Variants in APLP2 observed in about 807,000 individuals in gnomAD.
The protein encoded by APLP2 is CDEI box-binding protein.
APLP2 carries 53 observed loss-of-function variants against 89.9 expected under a neutral mutation model. That is an observed-to-expected ratio of 0.59 (90% CI 0.47 to 0.74). The LOEUF (loss-of-function observed/expected upper bound fraction) is 0.74. APLP2 is among the 30% of genes least tolerant of loss of function. APLP2 has a pLI of 0.00. For synonymous variants in APLP2, 372 were observed against 348.6 expected (o/e 1.07, Z -0.75); for missense variants, 973 against 975.9 (o/e 1.00, Z 0.04).
At chr11:130,126,875 G>A (rs1565593441) in intron 8 of APLP2, 45 bp downstream of exon 8, 5 of 1,609,368 alleles carry the variant, frequency 3.1e-6, no homozygotes, top group Non-Finnish European at 3.4e-6. Context: ...TTGGCTTTGG[G>A]TAGCATGGTT....
At chr11:130,143,320 A>G (rs1345674645) in intron 16 of APLP2, 27 bp from the exon 17 acceptor site, 10 of 1,605,430 alleles carry the variant, frequency 6.2e-6, no homozygotes, top group Non-Finnish European at 8.5e-6. Flanking sequence ...CAGACACCAC[A>G]ATGACCCTCA....
chr11:130,123,694 C>A lies in APLP2; in HGVS notation c.1005C>A (p.Cys335Ter). ...ACTTCGACCTCTCCAAGGGAAAGTG[C>A]GTGCGCTTTATATATGGTGGCTGCG... Reference protein sequence around the residue: ...RWYFDLSKGKCVRFIYGGCGG... With the variant: ...RWYFDLSKGK Residue 335 changes from cysteine to a stop codon, truncating the protein, a stop_gained, in exon 7 of 17, where the codon TGC becomes TGA. Transcript: ENST00000338167. LOFTEE classifies it high-confidence loss of function. The surrounding 1 kb of genome is among the most constrained non-coding windows in gnomAD (Gnocchi z 4.0). 6.2e-7 allele frequency: 1 copy of A among 1,614,254 alleles called. No individual in the cohort carries two copies. The highest frequency in any genetic ancestry group is 8.5e-7 in the Non-Finnish European group (1 of 1,180,046).
intron 3 of APLP2, among the ~76,000 whole-genome samples, chr11:130,118,523 C>T (rs1242734485): frequency 6.6e-6 from 1 of 152,182 alleles, no homozygotes; most frequent in Non-Finnish European, 1.5e-5. Context: ...ATATACTTTT[C>T]CTTTAGCATC....
At chr11:130,076,550 C>T (rs1942160564) in intron 1 of APLP2, among the ~76,000 whole-genome samples, 1 of 152,168 alleles carries the variant, frequency 6.6e-6, no homozygotes, top group Non-Finnish European at 1.5e-5. Flanking sequence ...GCACCAGATA[C>T]TCAATCAGTG....
rs1186093003 is a variant in APLP2 at position 130,122,351 on chromosome 11, G to T, written c.760G>T (p.Val254Leu). 7 of 1,614,138 alleles carry T rather than the reference G, an allele frequency of 4.3e-6. No homozygotes were observed. The highest frequency in any genetic ancestry group is 5.9e-6 in the Non-Finnish European group (7 of 1,179,998). The change falls in exon 6 of 17, where the codon GTG (valine) becomes TTG (leucine). Residue 254 changes from valine to leucine, a missense_variant. Coordinates refer to ENST00000338167, the MANE Select transcript of APLP2 (RefSeq NM_001142276.2). ...ADLEDFTEAA[V>L]DEDDEDEEEG... ...TCTGGAAGACTTCACAGAAGCAGCT[G>T]TGGATGAGGATGATGAGGATGAGGA...
At chr11:130,085,350 G>C (rs1017492826) in intron 1 of APLP2, among the ~76,000 whole-genome samples, 1 of 152,144 alleles carries the variant, frequency 6.6e-6, no homozygotes, top group Non-Finnish European at 1.5e-5. Context: ...TACTCCGGAG[G>C]CTGAGGCAGG....
At chr11:130,109,715 A>G in intron 2 of APLP2, 113 bp downstream of exon 2, 1 of 1,177,576 alleles carries the variant, frequency 8.5e-7, no homozygotes, top group Non-Finnish European at 1.2e-6. Context: ...CCAAGATGCT[A>G]ATGACTGGAG....
chr11:130,075,291 A>G (rs1941920717), intron 1 of APLP2, among the ~76,000 whole-genome samples: 1 of 152,230 alleles, frequency 6.6e-6, no homozygotes, highest in East Asian at 1.9e-4. Context: ...CTAGGAGTAC[A>G]GTGCATACCA....
chr11:130,125,829 A>G (rs1337933738), intron 7 of APLP2, among the ~76,000 whole-genome samples: 1 of 152,186 alleles, frequency 6.6e-6, no homozygotes, highest in Non-Finnish European at 1.5e-5. Context: ...TACCTTAGGT[A>G]TGTCTTGAGA....
rs745666276 is a variant in APLP2, at chr11:130,069,945, TGA to T, written c.-29_-28del. On this transcript the variant is annotated 5_prime_UTR_variant, in exon 1 of 17. It removes the in-frame stop codon of an upstream open reading frame in the 5' UTR. Transcript: ENST00000338167. ...AGCGAGGAGTCCGAGTGTGTGAGCT[TGA>T]GAGCCGCGCGCTAGAGCGACCCGGC... is the stretch of plus-strand genomic sequence containing the variant. 14 of 1,472,718 alleles carry T rather than the reference TGA, an allele frequency of 9.5e-6. No individual in the cohort carries two copies. In the South Asian group the frequency reaches 1.7e-4, roughly 18 times the overall value. The allele number at this position is 1,472,718 out of a possible 1,614,324, so 91.2% of individuals were successfully genotyped here.
intron 1 of APLP2, among the ~76,000 whole-genome samples, chr11:130,074,403 A>G (rs1304143511): frequency 6.6e-6 from 1 of 152,046 alleles, no homozygotes; most frequent in South Asian, 2.1e-4. Context: ...TTTAGTAGAG[A>G]CAGGGTTTCA....
At chr11:130,070,755 G>A in intron 1 of APLP2, 1 of 1,424,278 alleles carries the variant, frequency 7.0e-7, no homozygotes, top group Non-Finnish European at 9.2e-7. Context: ...TGGGTGCGTT[G>A]ACCGCTTTCG....
At chr11:130,111,658 T>A (rs57830063) in intron 3 of APLP2, among the ~76,000 whole-genome samples, 1 of 152,118 alleles carries the variant, frequency 6.6e-6, no homozygotes, top group East Asian at 1.9e-4. Flanking sequence ...TTTTAAAATA[T>A]TCGTGAGGAG....
chr11:130,093,805 A>T (rs978819179), intron 1 of APLP2, among the ~76,000 whole-genome samples: 2 of 151,664 alleles, frequency 1.3e-5, no homozygotes, highest in Non-Finnish European at 2.9e-5. Context: ...GTGGAGTGGC[A>T]TGATCTCACG....
chr11:130,124,086 T>A (rs1950128209), intron 7 of APLP2, among the ~76,000 whole-genome samples: 1 of 151,986 alleles, frequency 6.6e-6, no homozygotes, highest in South Asian at 2.1e-4. Flanking sequence ...GGCTTTGGAG[T>A]CTGCAGGTCC....
intron 1 of APLP2, among the ~76,000 whole-genome samples, chr11:130,101,041 TA>T (rs60861608): frequency 1.3e-5 from 2 of 149,952 alleles, no homozygotes; most frequent in African/African-American, 2.4e-5. Flanking sequence ...GTTTGGACAG[TA>T]AAAAAAAAAT....
Position 130,135,577 on chromosome 11 carries a change from G to A in APLP2, c.1699G>A (p.Glu567Lys). 1.2e-6 allele frequency: 2 copies of A among 1,614,094 alleles called. No individual in the cohort carries two copies. Among genetic ancestry groups the A allele is most frequent in the Non-Finnish European group, 1.7e-6 (2 of 1,179,978 alleles). Residue 567 changes from glutamate to lysine, a missense_variant, in exon 13 of 17, where the codon GAG becomes AAG. Coordinates refer to ENST00000338167, the MANE Select transcript of APLP2 (RefSeq NM_001142276.2). ...GTCTTCATCAGATGAGCTCCTTCAG[G>A]AGCAGCGTGCAGATATGGACCAGTT... ...IQEEIDELLQ[E>K]QRADMDQFTA... is the part of the protein sequence containing the mutation.
At chr11:130,125,642 G>A (rs967235967) in intron 7 of APLP2, among the ~76,000 whole-genome samples, 3 of 152,122 alleles carry the variant, frequency 2.0e-5, no homozygotes, top group African/African-American at 4.8e-5. Context: ...TCAATTATAT[G>A]GTTGTTTTAA....
chr11:130,084,982 T>C (rs959655288), intron 1 of APLP2, among the ~76,000 whole-genome samples: 5 of 152,068 alleles, frequency 3.3e-5, no homozygotes, highest in African/African-American at 1.2e-4. Context: ...ATTGATACCA[T>C]GAAAATAAAA....
Sources: allele counts gnomAD v4.1 joint callset (sites outside exome capture counted in the v4.1 genomes callset), GRCh38; gene constraint gnomAD v4.1.1; non-coding constraint Gnocchi (gnomAD v3.1); transcripts MANE v1.5; gene names NCBI Gene and HGNC (gene_info 2026-07-23, HGNC 2026-07-21).